RNF214: variants seen among roughly 807,000 people sequenced by gnomAD.
RNF214 encodes ring finger protein 214.
A neutral mutation model predicts 75.9 loss-of-function variants in RNF214; 25 were observed. The observed-to-expected ratio is 0.33, with a 90% CI of 0.24 to 0.46. The LOEUF (loss-of-function observed/expected upper bound fraction) is 0.46. Ranked by LOEUF, RNF214 falls within the 20% of genes least tolerant of loss-of-function variation. The pLI is 1.00. For synonymous variants in RNF214, 314 were observed against 308.8 expected, an observed-to-expected ratio of 1.02 and a Z score of -0.18; for missense variants, 725 against 857.5, an observed-to-expected ratio of 0.85 and a Z score of 1.93.
chr11:117,285,057 A>G (rs1420399564), intron 14 of RNF214, 29 bp from the exon 15 acceptor site: 10 of 1,535,952 alleles, frequency 6.5e-6, no homozygotes, highest in Admixed American at 1.7e-5. Flanking sequence ...TTCCAGATAA[A>G]CCTGAGGTGT....
In RNF214 at chr11:117,285,240, G is replaced by A. The variant is rs1845009232; in HGVS notation, c.*89G>A. 3.6e-6 allele frequency: 3 copies of A among 843,208 alleles called. No individual in the cohort carries two copies. The highest frequency in any genetic ancestry group is 6.1e-6 in the Non-Finnish European group (3 of 490,418). 52.2% of individuals were successfully genotyped at this position (843,208 alleles called of 1,614,324 possible). Reference sequence around the variant, plus strand: ...TTCTAAAACTCTATATTTATACAGTGACATATACTCATGCCATGTACATTT... The same window carrying A: ...TTCTAAAACTCTATATTTATACAGTAACATATACTCATGCCATGTACATTT... On this transcript the variant is annotated 3_prime_UTR_variant, in exon 15 of 15. Coordinates refer to ENST00000300650, the MANE Select transcript of RNF214 (RefSeq NM_207343.4).
chr11:117,239,816 G>A lies in RNF214; in HGVS notation c.634G>A (p.Ala212Thr). ...NIAVQTDFKTADSEVNTDQDI... is the reference protein window; with the variant it reads ...NIAVQTDFKTTDSEVNTDQDI... ...TCCTTTATAGACTGACTTTAAGACAGCTGATTCAGAGGTAAACACAGATCA... is the reference window on the plus strand; with the variant it reads ...TCCTTTATAGACTGACTTTAAGACAACTGATTCAGAGGTAAACACAGATCA... The change falls in exon 4 of 15, where the codon GCT becomes ACT. Residue 212 changes from alanine to threonine, a missense_variant. Coordinates refer to ENST00000300650, the MANE Select transcript of RNF214 (RefSeq NM_207343.4). The A allele has an allele frequency of 6.4e-7, 1 of 1,563,622 alleles. No individual in the cohort carries two copies. Among genetic ancestry groups the A allele is most frequent in the Non-Finnish European group, 8.8e-7 (1 of 1,134,372 alleles).
intron 14 of RNF214, among the ~76,000 whole-genome samples, chr11:117,284,431 T>C (rs1482687839): frequency 9.9e-5 from 15 of 152,168 alleles, no homozygotes; most frequent in Admixed American, 9.8e-4. Context: ...GTAAGAAAAA[T>C]TCCTGAATAA....
intron 6 of RNF214, among the ~76,000 whole-genome samples, chr11:117,250,594 T>C (rs2033345571): frequency 1.6e-5 from 1 of 61,672 alleles, no homozygotes; most frequent in Middle Eastern, 7.4e-3. Context: ...ATTATTTTTA[T>C]TTATTTATTT....
chr11:117,279,912 G>T lies in RNF214; in HGVS notation c.964G>T (p.Val322Leu). Residue 322 changes from valine to leucine, a missense_variant, in exon 7 of 15, where the codon GTG (valine) becomes TTG (leucine). This residue lies in a region of RNF214 where 363 missense variants were observed against 513.0 expected (regional missense o/e 0.71). Transcript: ENST00000300650. The stretch of plus-strand genomic sequence containing the variant: ...TCTTGGTTTCTTATCTTACAGAGAG[G>T]TGTGGGAAATGGAACTGGATAGACT... Reference protein sequence around the residue: ...EKLCEKGRREVWEMELDRLKN... With the variant: ...EKLCEKGRRELWEMELDRLKN... The T allele has an allele frequency of 6.2e-7, 1 of 1,607,242 alleles. No homozygotes were observed. The highest frequency in any genetic ancestry group is 2.2e-5 in the East Asian group (1 of 44,838).
chr11:117,283,305 C>A, intron 14 of RNF214, 95 bp downstream of exon 14: 1 of 804,350 alleles, frequency 1.2e-6, no homozygotes. Flanking sequence ...TTTTCCCTGA[C>A]AGCTAAAATA....
At position 117,261,407 on chromosome 11, in the gene RNF214, C is replaced by G. The variant is rs375476945; in HGVS notation, c.959+14459C>G. Among the ~76,000 whole-genome samples the G allele has an allele frequency of 2.0e-5, 3 of 151,922 alleles. No individual in the cohort carries two copies. The East Asian group carries it at 5.8e-4, about 30-fold the overall frequency. The stretch of plus-strand genomic sequence containing the variant: ...CCAACCTGGCCAACATGGTGAAATC[C>G]CATCTCTACCAAAAATATAAAAATT... On this transcript the variant is annotated intron_variant, in intron 6 of 14. Transcript: ENST00000300650.
At chr11:117,265,488 A>G (rs79083168) in intron 6 of RNF214, among the ~76,000 whole-genome samples, 1 of 151,948 alleles carries the variant, frequency 6.6e-6, no homozygotes, top group Non-Finnish European at 1.5e-5. Context: ...ATCTGGGCTC[A>G]CTGCAACCTC....
chr11:117,248,244 A>ATTTTTTTTTT (rs2033281768), intron 6 of RNF214, among the ~76,000 whole-genome samples: 1 of 151,766 alleles, frequency 6.6e-6, no homozygotes, highest in African/African-American at 2.4e-5. Context: ...CCTGGCTAAC[A>ATTTTTTTTTT]TTTTTGTATT....
At chr11:117,273,970 A>G (rs981653546) in intron 6 of RNF214, among the ~76,000 whole-genome samples, 6 of 152,176 alleles carry the variant, frequency 3.9e-5, no homozygotes, top group Non-Finnish European at 8.8e-5. Context: ...CATGTTGTCT[A>G]TAGAACACTT....
intron 14 of RNF214, 28 bp from the exon 15 acceptor site, chr11:117,285,058 C>T: frequency 6.5e-7 from 1 of 1,538,126 alleles, no homozygotes; most frequent in Non-Finnish European, 9.0e-7. Flanking sequence ...TCCAGATAAA[C>T]CTGAGGTGTG....
At chr11:117,243,365 C>T (rs1366666103) in intron 4 of RNF214, among the ~76,000 whole-genome samples, 5 of 151,774 alleles carry the variant, frequency 3.3e-5, no homozygotes, top group Non-Finnish European at 5.9e-5. Context: ...AGGCTGGTCT[C>T]GAACTGCTGA....
At chr11:117,275,695 A>G (rs2034003180) in intron 6 of RNF214, among the ~76,000 whole-genome samples, 1 of 152,246 alleles carries the variant, frequency 6.6e-6, no homozygotes. Context: ...CCAGGAAGAA[A>G]TAGAAATCTT....
At chr11:117,237,810 AGAC>A in intron 2 of RNF214, among the ~76,000 whole-genome samples, 2 of 152,346 alleles carry the variant, frequency 1.3e-5, no homozygotes, top group South Asian at 4.1e-4. Flanking sequence ...ATTGTACTTT[AGAC>A]AACTTAAAGT....
chr11:117,261,894 G>T (rs577808836), intron 6 of RNF214, among the ~76,000 whole-genome samples: 2 of 151,528 alleles, frequency 1.3e-5, no homozygotes, highest in African/African-American at 4.8e-5. Flanking sequence ...CGTCTGCCTG[G>T]CTCAGCCTCC....
At chr11:117,263,020 T>G (rs2033704420) in intron 6 of RNF214, among the ~76,000 whole-genome samples, 1 of 152,054 alleles carries the variant, frequency 6.6e-6, no homozygotes, top group Non-Finnish European at 1.5e-5. Context: ...TGGCCCAGGC[T>G]GGTCTTGAAC....
At chr11:117,247,428 C>A (rs2033254292) in intron 6 of RNF214, among the ~76,000 whole-genome samples, 1 of 152,140 alleles carries the variant, frequency 6.6e-6, no homozygotes, top group Admixed American at 6.6e-5. Context: ...CCAGGAGTTC[C>A]AGGCTGCAGT....
At chr11:117,239,149 G>C in intron 3 of RNF214, 38 bp downstream of exon 3, 1 of 1,545,170 alleles carries the variant, frequency 6.5e-7, no homozygotes. Flanking sequence ...ATGTAATTGG[G>C]GGGTGGTGGG....
At chr11:117,258,397 C>A (rs571720445) in intron 6 of RNF214, among the ~76,000 whole-genome samples, 1 of 152,012 alleles carries the variant, frequency 6.6e-6, no homozygotes, top group African/African-American at 2.4e-5. Context: ...AGAGGAGACA[C>A]CACACGAGGT....
Sources: allele counts gnomAD v4.1 joint callset (sites outside exome capture counted in the v4.1 genomes callset), GRCh38; gene constraint gnomAD v4.1.1; regional missense constraint gnomAD v4.1.1; transcripts MANE v1.5; gene names NCBI Gene and HGNC (gene_info 2026-07-23, HGNC 2026-07-21).